Variants in EYS observed in about 807,000 individuals in gnomAD.
EYS encodes the protein EGF-like photoreceptor maintenance factor, also known as protein eyes shut homolog.
Under a neutral mutation model 282.1 loss-of-function variants are expected in EYS, and 250 were observed. The ratio of observed to expected loss-of-function variants is 0.89; its 90% CI spans 0.80 to 0.98. EYS has a LOEUF of 0.98. Among genes scored for constraint, EYS ranks in the 50% least tolerant of loss-of-function variants. EYS has a pLI of 0.00. For missense variants in EYS, 4,016 were observed against 3,709.0 expected, an observed-to-expected ratio of 1.08 and a Z score of -2.15; for synonymous variants, 1,355 against 1,282.9, an observed-to-expected ratio of 1.06 and a Z score of -1.20.
At chr6:64,228,302 T>C (rs1766310841) in intron 31 of EYS, among the ~76,000 whole-genome samples, 1 of 152,174 alleles carries the variant, frequency 6.6e-6, no homozygotes, top group African/African-American at 2.4e-5. Flanking sequence ...AAATTTCAGT[T>C]CTGAACATGC....
At chr6:64,460,617 A>T (rs1338952344) in intron 26 of EYS, among the ~76,000 whole-genome samples, 1 of 152,216 alleles carries the variant, frequency 6.6e-6, no homozygotes, top group East Asian at 1.9e-4. Flanking sequence ...CTAATGTAGT[A>T]TCTTTCTAAA....
intron 22 of EYS, among the ~76,000 whole-genome samples, chr6:64,693,486 C>T (rs1025842329): frequency 7.9e-5 from 12 of 152,076 alleles, no homozygotes; most frequent in Non-Finnish European, 1.6e-4. Context: ...TAAACCTACA[C>T]TTAAATGGTC....
chr6:64,151,145 A>C (rs1238272511), intron 31 of EYS, among the ~76,000 whole-genome samples: 1 of 151,438 alleles, frequency 6.6e-6, no homozygotes, highest in African/African-American at 2.4e-5. Flanking sequence ...GTCTATAAGT[A>C]GGAGGATGGA....
At chr6:65,553,852 A>G (rs1304212667) in intron 2 of EYS, among the ~76,000 whole-genome samples, 1 of 151,882 alleles carries the variant, frequency 6.6e-6, no homozygotes, top group African/African-American at 2.4e-5. Flanking sequence ...TTACATACTC[A>G]TATTCATTAA....
Position 64,612,170 on chromosome 6 carries a change from C to T in EYS, c.3684+5248G>A, listed in dbSNP as rs920103164. ...GCTGTCCTTCTGTAGAACTCAGAAC[C>T]CTTTTTTCTCAGAAAATAGTTTCTC... On this transcript the variant is annotated intron_variant, in intron 24 of 42. Coordinates refer to ENST00000503581, the MANE Select transcript of EYS (RefSeq NM_001142800.2). 5.9e-5 allele frequency among the ~76,000 whole-genome samples: 9 copies of T among 152,124 alleles called. No homozygotes were observed. In the East Asian group the frequency reaches 1.4e-3, roughly 23 times the overall value.
intron 2 of EYS, among the ~76,000 whole-genome samples, chr6:65,511,740 G>A (rs951718308): frequency 3.9e-5 from 6 of 151,970 alleles, no homozygotes; most frequent in South Asian, 2.1e-4. Context: ...CTCACTTGAC[G>A]TCAGAAGTTC....
chr6:64,384,357 C>A (rs747949459), intron 29 of EYS, among the ~76,000 whole-genome samples: 2 of 151,966 alleles, frequency 1.3e-5, no homozygotes, highest in Non-Finnish European at 1.5e-5. Flanking sequence ...TTTTTGGAGT[C>A]GGTCACTAAT....
intron 14 of EYS, among the ~76,000 whole-genome samples, chr6:64,982,020 T>C (rs1197168367): frequency 1.3e-5 from 2 of 151,458 alleles, no homozygotes; most frequent in Non-Finnish European, 3.0e-5. Flanking sequence ...GCCACAATAG[T>C]ACTTGTAGCA....
rs1331368284 is a variant in EYS at position 64,836,244 on chromosome 6, T to C, written c.2993-13422A>G. ...TCATATCATTTTAATGATTGCAAAA[T>C]ATATACATTCTTCTATGAGGAATAC... On this transcript the variant is annotated intron_variant, in intron 19 of 42. Coordinates refer to ENST00000503581, the MANE Select transcript of EYS (RefSeq NM_001142800.2). 3.3e-5 allele frequency among the ~76,000 whole-genome samples: 5 copies of C among 151,126 alleles called. No individual in the cohort carries two copies. In the East Asian group the frequency reaches 7.8e-4, roughly 24 times the overall value.
chr6:64,616,679 C>T (rs954092017), intron 24 of EYS, among the ~76,000 whole-genome samples: 1 of 152,044 alleles, frequency 6.6e-6, no homozygotes, highest in Non-Finnish European at 1.5e-5. Context: ...ACTTGTTCAT[C>T]TTTTATACAC....
intron 41 of EYS, among the ~76,000 whole-genome samples, chr6:63,728,146 T>C (rs1768689022): frequency 6.6e-6 from 1 of 152,122 alleles, no homozygotes; most frequent in Non-Finnish European, 1.5e-5. Context: ...TATAAAAGTG[T>C]ATAACATTTT....
At chr6:64,893,212 C>T (rs796987187) in intron 18 of EYS, among the ~76,000 whole-genome samples, 17 of 152,092 alleles carry the variant, frequency 1.1e-4, no homozygotes, top group African/African-American at 4.1e-4. Context: ...TTCACTTTTG[C>T]AGTGGATTTG....
At chr6:63,955,538 C>T (rs1036813439) in intron 35 of EYS, among the ~76,000 whole-genome samples, 2 of 152,178 alleles carry the variant, frequency 1.3e-5, no homozygotes, top group East Asian at 1.9e-4. Context: ...CAATCTCACT[C>T]GCTCTCTTCT....
chr6:64,533,949 G>A (rs933092111), intron 26 of EYS, among the ~76,000 whole-genome samples: 1 of 151,754 alleles, frequency 6.6e-6, no homozygotes, highest in African/African-American at 2.4e-5. Context: ...GTGACAAGAG[G>A]ACATAGAGAG....
At chr6:63,755,334 A>G (rs1769450754) in intron 41 of EYS, among the ~76,000 whole-genome samples, 1 of 152,178 alleles carries the variant, frequency 6.6e-6, no homozygotes, top group Non-Finnish European at 1.5e-5. Flanking sequence ...ATCCAGTTTC[A>G]GCTTTCTACA....
intron 22 of EYS, among the ~76,000 whole-genome samples, chr6:64,697,708 C>A (rs1428501909): frequency 6.6e-6 from 1 of 152,050 alleles, no homozygotes; most frequent in South Asian, 2.1e-4. Context: ...CTTTGGGTGG[C>A]TGAGGCAGGT....
chr6:65,426,021 G>A (rs1171529622), intron 5 of EYS, among the ~76,000 whole-genome samples: 2 of 152,072 alleles, frequency 1.3e-5, no homozygotes, highest in African/African-American at 2.4e-5. Context: ...TGTCCCATAA[G>A]CTAGAGTGTA....
intron 5 of EYS, among the ~76,000 whole-genome samples, chr6:65,442,777 AAATT>A (rs1768389609): frequency 7.1e-6 from 1 of 140,318 alleles, no homozygotes; most frequent in Non-Finnish European, 1.6e-5. Flanking sequence ...AAAAAATAAA[AAATT>A]AAAAAAAAAT....
rs1205638142 is a variant in EYS at position 64,255,302 on chromosome 6, A to G, written c.6192-24478T>C. 2.6e-5 allele frequency among the ~76,000 whole-genome samples: 4 copies of G among 152,112 alleles called. 1 individual carries two copies. Among genetic ancestry groups the G allele is most frequent in the Admixed American group, 2.6e-4 (4 of 15,242 alleles). On this transcript the variant is annotated intron_variant, in intron 30 of 42. Transcript: ENST00000503581. ...GGTTTCTGAAATGATTAGGATACTC[A>G]GATCCTCACTAGAAACTTCCTCAAC...
Sources: allele counts gnomAD v4.1 joint callset (sites outside exome capture counted in the v4.1 genomes callset), GRCh38; gene constraint gnomAD v4.1.1; transcripts MANE v1.5; gene names NCBI Gene and HGNC (gene_info 2026-07-23, HGNC 2026-07-21).